HUWE1: variants seen among roughly 807,000 people sequenced by gnomAD.
The protein encoded by HUWE1 is E3 ubiquitin-protein ligase HUWE1.
HUWE1 carries 18 observed loss-of-function variants against 299.4 expected under a neutral mutation model. The ratio of observed to expected loss-of-function variants is 0.06; its 90% CI spans 0.04 to 0.09. The LOEUF is 0.09. Ranked by LOEUF, HUWE1 falls within the 10% of genes least tolerant of loss-of-function variation. The pLI is 1.00. For missense variants in HUWE1, 1,832 were observed against 3,462.3 expected, an observed-to-expected ratio of 0.53 and a Z score of 11.82; for synonymous variants, 1,317 against 1,286.1, an observed-to-expected ratio of 1.02 and a Z score of -0.51.
intron 43 of HUWE1, 93 bp from the exon 44 acceptor site, chrX:53,577,160 T>C (rs1229170591): frequency 6.0e-6 from 4 of 669,994 alleles, no homozygotes; most frequent in South Asian, 4.5e-5. Context: ...ATGTATGATA[T>C]AGAAGGCTTG....
chrX:53,643,828 C>A (rs1423029798), intron 7 of HUWE1, among the ~76,000 whole-genome samples: 7 of 111,764 alleles, frequency 6.3e-5, no homozygotes, highest in African/African-American at 2.3e-4. Context: ...ATTCTCTTTT[C>A]TTTTTTAGAG....
At chrX:53,618,322 T>G (rs782741044) in intron 19 of HUWE1, among the ~76,000 whole-genome samples, 1 of 109,929 alleles carries the variant, frequency 9.1e-6, no homozygotes, top group East Asian at 2.8e-4. Flanking sequence ...GAAAGGAGAT[T>G]TAACTAGATA....
chrX:53,625,504 G>T, intron 17 of HUWE1: 1 of 302,628 alleles, frequency 3.3e-6, no homozygotes, highest in Non-Finnish European at 5.8e-6. Context: ...AAAGTAAAAA[G>T]GTTCAACTTT....
Position 53,573,598 on chromosome X carries a change from G to T in HUWE1, c.6312+152C>A, listed in dbSNP as rs1602736637. The T allele has an allele frequency of 1.4e-5, 7 of 507,387 alleles. No individual in the cohort carries two copies. The South Asian group carries it at 2.0e-4, about 15-fold the overall frequency. 41.8% of individuals were successfully genotyped at this position (507,387 alleles called of 1,213,427 possible). A position where few individuals can be genotyped will look rare whatever the true frequency, so the allele number is the denominator to read the frequency against. On this transcript the variant is annotated intron_variant, in intron 47 of 83. Transcript: ENST00000262854. ...GCTGGGATTACAGGCGTGAGCCACC[G>T]CACCCGGCCTTGCATGTCTGAAGAT...
intron 29 of HUWE1, among the ~76,000 whole-genome samples, chrX:53,598,910 A>T (rs1444558846): frequency 8.9e-6 from 1 of 112,677 alleles, no homozygotes; most frequent in Non-Finnish European, 1.9e-5. Flanking sequence ...CAGTATAGGA[A>T]CAAGGAAAAC....
rs1244143167 is a variant in HUWE1, at chrX:53,644,669, G to C, written c.504+642C>G. Among the ~76,000 whole-genome samples the C allele has an allele frequency of 3.6e-5, 4 of 111,772 alleles. No individual in the cohort carries two copies. In the Admixed American group the frequency reaches 3.8e-4, roughly 11 times the overall value. ...GGCACCTGAATTAGCCTGAAAACTTGAGTTACTTTGAGGTAAGCATTAAAT... is the reference window on the plus strand; with the variant it reads ...GGCACCTGAATTAGCCTGAAAACTTCAGTTACTTTGAGGTAAGCATTAAAT... On this transcript the variant is annotated intron_variant, in intron 7 of 83. Transcript: ENST00000262854.
At position 53,583,993 on chromosome X, in the gene HUWE1, T is replaced by C. The variant is rs189369523; in HGVS notation, c.5162-77A>G. 3.2e-3 allele frequency: 2,931 copies of C among 902,642 alleles called. 17 individuals are homozygous for C. Among genetic ancestry groups the C allele is most frequent in the Middle Eastern group, 0.018 (59 of 3,332 alleles). The allele number at this position is 902,642 out of a possible 1,213,427, so 74.4% of individuals were successfully genotyped here. On this transcript the variant is annotated intron_variant, in intron 41 of 83. Coordinates refer to ENST00000262854, the MANE Select transcript of HUWE1 (RefSeq NM_031407.7). ...CCTCCCACGCCTCCCTCCTAAGTAA[T>C]TGGCCAAGCACTTGGGTCCTATTAA...
chrX:53,549,593 G>A lies in HUWE1; in HGVS notation c.9489-88C>T, dbSNP rs1021993166. 5 of 804,890 alleles carry A rather than the reference G, an allele frequency of 6.2e-6. No individual in the cohort carries two copies. In the African/African-American group the frequency reaches 1.0e-4, roughly 16 times the overall value. 66.3% of individuals were successfully genotyped at this position (804,890 alleles called of 1,213,427 possible). ...AGAATGGGGGAGGGGAATGAGCTAGGTATCTCCAAGGAGGCTTGAGAAAGG... is the reference window on the plus strand; with the variant it reads ...AGAATGGGGGAGGGGAATGAGCTAGATATCTCCAAGGAGGCTTGAGAAAGG... On this transcript the variant is annotated intron_variant, in intron 66 of 83. Coordinates refer to ENST00000262854, the MANE Select transcript of HUWE1 (RefSeq NM_031407.7).
chrX:53,535,099 G>A (rs916815481), intron 81 of HUWE1, among the ~76,000 whole-genome samples: 4 of 110,858 alleles, frequency 3.6e-5, no homozygotes, highest in Non-Finnish European at 7.6e-5. Context: ...GCCACACTTG[G>A]CTAATTTTTT....
chrX:53,650,372 G>C (rs1557039274), intron 4 of HUWE1, among the ~76,000 whole-genome samples: 1 of 111,872 alleles, frequency 8.9e-6, no homozygotes, highest in Non-Finnish European at 1.9e-5. Context: ...CTTTCCTAAT[G>C]TGAAAAGGCC....
chrX:53,579,032 G>T (rs1220462451), intron 43 of HUWE1, among the ~76,000 whole-genome samples: 8 of 76,148 alleles, frequency 1.1e-4, no homozygotes, highest in African/African-American at 1.6e-4. Flanking sequence ...AGGGAGGCGG[G>T]GGGGGGGGTC....
chrX:53,591,855 G>T (rs782470152), intron 33 of HUWE1, among the ~76,000 whole-genome samples: 21 of 111,583 alleles, frequency 1.9e-4, no homozygotes, highest in African/African-American at 6.8e-4. Context: ...AGACAGATTT[G>T]AACAGGACTC....
chrX:53,604,581 AT>A lies in HUWE1; in HGVS notation c.2742+7del. ...AATTAATATGTTCACCCCTAAGGTT[AT>A]TTTTACCTGTCCAACTCTGCAAGTA... is the stretch of plus-strand genomic sequence containing the variant. On this transcript the variant is annotated splice_region_variant and intron_variant, in intron 26 of 83. Transcript: ENST00000262854. The A allele has an allele frequency of 8.3e-7, 1 of 1,210,598 alleles. No individual in the cohort carries two copies. The highest frequency in any genetic ancestry group is 1.1e-6 in the Non-Finnish European group (1 of 894,487).
At chrX:53,533,920 T>C in intron 83 of HUWE1, 87 bp downstream of exon 83, 5 of 913,743 alleles carry the variant, frequency 5.5e-6, no homozygotes, top group Non-Finnish European at 8.0e-6. Context: ...CACATTTGTG[T>C]TCCCAATCTT....
At chrX:53,564,818 C>A in intron 50 of HUWE1, 96 bp from the exon 51 acceptor site, 1 of 1,093,175 alleles carries the variant, frequency 9.1e-7, no homozygotes, top group Middle Eastern at 2.5e-4. Flanking sequence ...CTTCCTTGGG[C>A]AAGTTTGTAA....
chrX:53,645,563 G>T, intron 6 of HUWE1, 100 bp from the exon 7 acceptor site: 1 of 850,207 alleles, frequency 1.2e-6, no homozygotes, highest in Non-Finnish European at 1.7e-6. Context: ...CTATCAAGAA[G>T]TTTAGTCACA....
intron 3 of HUWE1, 83 bp downstream of exon 3, chrX:53,679,966 A>G (rs1018630085): frequency 5.4e-5 from 16 of 294,048 alleles, no homozygotes; most frequent in African/African-American, 4.1e-4. Flanking sequence ...GCTCCATTAC[A>G]GAATGGGAAT....
intron 28 of HUWE1, among the ~76,000 whole-genome samples, chrX:53,601,662 G>A (rs1479468167): frequency 1.1e-5 from 1 of 93,749 alleles, no homozygotes; most frequent in Non-Finnish European, 2.2e-5. Flanking sequence ...ACTGAAATTT[G>A]GAATTTTTTT....
chrX:53,678,000 T>G (rs1388654611), intron 3 of HUWE1, among the ~76,000 whole-genome samples: 2 of 112,190 alleles, frequency 1.8e-5, no homozygotes, highest in African/African-American at 6.5e-5. Flanking sequence ...ATCTCAGAGT[T>G]GAAGAATTTT....
Sources: gnomAD v4.1 joint callset for allele counts (sites outside exome capture counted in the v4.1 genomes callset) on GRCh38, gnomAD v4.1.1 for gene constraint, MANE v1.5 for transcripts, NCBI Gene and HGNC (gene_info 2026-07-23, HGNC 2026-07-21) for gene names.